Variants in MAGI2 observed in about 807,000 individuals in gnomAD.
The protein encoded by MAGI2 is membrane-associated guanylate kinase, WW and PDZ domain-containing protein 2.
MAGI2 carries 35 observed loss-of-function variants against 133.3 expected under a neutral mutation model. The ratio of observed to expected loss-of-function variants is 0.26; its 90% CI spans 0.20 to 0.35. The LOEUF is 0.35. Among genes scored for constraint, MAGI2 ranks in the 10% least tolerant of loss-of-function variants. The pLI, the probability that MAGI2 is intolerant of heterozygous loss-of-function variation, is 1.00. For missense variants in MAGI2, 1,636 were observed against 1,863.4 expected, an observed-to-expected ratio of 0.88 and a Z score of 2.25; for synonymous variants, 729 against 710.6, an observed-to-expected ratio of 1.03 and a Z score of -0.41.
intron 1 of MAGI2, among the ~76,000 whole-genome samples, chr7:79,380,321 C>T (rs1288285760): frequency 1.3e-4 from 20 of 151,736 alleles, no homozygotes. Context: ...TTTTGATAAC[C>T]GTTTTACTCC....
intron 1 of MAGI2, among the ~76,000 whole-genome samples, chr7:79,161,737 ATT>A (rs1451017989): frequency 1.3e-5 from 2 of 152,066 alleles, no homozygotes; most frequent in African/African-American, 4.8e-5. Flanking sequence ...CTTTTAAGTT[ATT>A]TGGGTGAAGT....
chr7:78,753,018 C>T (rs1045783451), intron 2 of MAGI2, among the ~76,000 whole-genome samples: 1 of 152,096 alleles, frequency 6.6e-6, no homozygotes, highest in African/African-American at 2.4e-5. Flanking sequence ...GATTAACCAC[C>T]TGCTAAAACA....
intron 10 of MAGI2, among the ~76,000 whole-genome samples, chr7:78,249,913 G>A (rs1335449579): frequency 3.3e-5 from 5 of 151,950 alleles, no homozygotes; most frequent in African/African-American, 1.2e-4. Context: ...ACCCTGATTT[G>A]ATACTTATAC....
intron 20 of MAGI2, among the ~76,000 whole-genome samples, chr7:78,109,573 A>G (rs1277923612): frequency 1.3e-5 from 2 of 152,230 alleles, no homozygotes; most frequent in Middle Eastern, 3.4e-3. Flanking sequence ...TGGAGGTTGC[A>G]GTGAGCTGAG....
intron 6 of MAGI2, among the ~76,000 whole-genome samples, chr7:78,447,917 AC>A (rs1309803997): frequency 5.9e-5 from 9 of 151,846 alleles, no homozygotes; most frequent in Admixed American, 5.9e-4. Context: ...CTCCCTACAT[AC>A]CTCTCTGCAC....
At chr7:78,080,355 A>C (rs1339340031) in intron 20 of MAGI2, among the ~76,000 whole-genome samples, 1 of 152,242 alleles carries the variant, frequency 6.6e-6, no homozygotes, top group East Asian at 1.9e-4. Context: ...TGACTTCCAC[A>C]TTCCACAGAA....
chr7:79,359,667 GAAAC>G (rs1414244620), intron 1 of MAGI2, among the ~76,000 whole-genome samples: 2 of 121,676 alleles, frequency 1.6e-5, no homozygotes, highest in East Asian at 5.5e-4. Flanking sequence ...GCTCAAGTGG[GAAAC>G]ACACACACAC....
chr7:78,975,808 G>C (rs1330293665), intron 2 of MAGI2, among the ~76,000 whole-genome samples: 1 of 151,346 alleles, frequency 6.6e-6, no homozygotes, highest in Non-Finnish European at 1.5e-5. Context: ...TGATACAAAT[G>C]GTCAATATCA....
chr7:79,171,770 A>ATATTTTTTTTTTTTT, intron 1 of MAGI2, among the ~76,000 whole-genome samples: 9 of 31,222 alleles, frequency 2.9e-4, no homozygotes, highest in Non-Finnish European at 8.9e-4. Context: ...ATATATATAT[A>ATATTTTTTTTTTTTT]TTTTTTTTTT....
At chr7:79,397,037 T>C (rs1033271935) in intron 1 of MAGI2, among the ~76,000 whole-genome samples, 1 of 151,782 alleles carries the variant, frequency 6.6e-6, no homozygotes, top group Non-Finnish European at 1.5e-5. Flanking sequence ...TTTCTTACTT[T>C]TCCAATAATG....
intron 1 of MAGI2, among the ~76,000 whole-genome samples, chr7:79,223,343 C>T (rs1383126859): frequency 6.6e-6 from 1 of 151,992 alleles, no homozygotes; most frequent in East Asian, 1.9e-4. Flanking sequence ...AAATTGCATT[C>T]GTCAAGCCTA....
At chr7:79,015,744 A>G (rs141513394) in intron 1 of MAGI2, among the ~76,000 whole-genome samples, 2 of 152,202 alleles carry the variant, frequency 1.3e-5, no homozygotes, top group Non-Finnish European at 2.9e-5. Context: ...CGGCCCACCT[A>G]TAAGTCTTTT....
At chr7:79,298,667 C>A (rs150844267) in intron 1 of MAGI2, among the ~76,000 whole-genome samples, 1 of 151,962 alleles carries the variant, frequency 6.6e-6, no homozygotes. Context: ...TGTGTCCCCC[C>A]AAAATTCATA....
At chr7:79,273,179 A>G (rs926028832) in intron 1 of MAGI2, among the ~76,000 whole-genome samples, 4 of 152,020 alleles carry the variant, frequency 2.6e-5, no homozygotes, top group African/African-American at 9.7e-5. Flanking sequence ...TTACGTAGGG[A>G]TGCCTTTTTT....
At position 79,366,505 on chromosome 7, in the gene MAGI2, A is replaced by G. The variant is rs1044424907; in HGVS notation, c.301+86515T>C. On this transcript the variant is annotated intron_variant, in intron 1 of 21. Transcript: ENST00000354212. ...CTGTGATGAATATGAAAACCTACTG[A>G]GCTAATAAACGTTATAGTACTTAAT... Among the ~76,000 whole-genome samples, 4 of 152,238 alleles carry G rather than the reference A, an allele frequency of 2.6e-5. No homozygotes were observed. In the East Asian group the frequency reaches 5.8e-4, roughly 22 times the overall value.
chr7:78,270,724 A>G (rs1393188511), intron 9 of MAGI2, among the ~76,000 whole-genome samples: 1 of 152,132 alleles, frequency 6.6e-6, no homozygotes, highest in African/African-American at 2.4e-5. Context: ...AACATTAGAC[A>G]GACCAACGAG....
At chr7:78,788,849 C>T (rs1827047235) in intron 2 of MAGI2, among the ~76,000 whole-genome samples, 2 of 152,136 alleles carry the variant, frequency 1.3e-5, no homozygotes, top group African/African-American at 4.8e-5. Flanking sequence ...GTTTTAAAGA[C>T]CTTCCCATTA....
At chr7:79,353,177 C>T (rs1162381854) in intron 1 of MAGI2, among the ~76,000 whole-genome samples, 1 of 152,078 alleles carries the variant, frequency 6.6e-6, no homozygotes, top group Non-Finnish European at 1.5e-5. Flanking sequence ...CTGGAAATGT[C>T]TTCTACCAAC....
chr7:78,812,394 T>C (rs564080009), intron 2 of MAGI2, among the ~76,000 whole-genome samples: 2 of 152,240 alleles, frequency 1.3e-5, no homozygotes, highest in South Asian at 4.1e-4. Context: ...AGTTCAGAGG[T>C]TGAAGCTTCT....
Sources: allele counts gnomAD v4.1 joint callset (sites outside exome capture counted in the v4.1 genomes callset), GRCh38; gene constraint gnomAD v4.1.1; transcripts MANE v1.5; gene names NCBI Gene and HGNC (gene_info 2026-07-23, HGNC 2026-07-21).